Variants in PHF11 observed in about 807,000 individuals in gnomAD.
PHF11 encodes the protein BRCA1 C-terminus-associated protein.
A neutral mutation model predicts 40.5 loss-of-function variants in PHF11; 38 were observed. That is an observed-to-expected ratio of 0.94 (90% CI 0.72 to 1.23). The LOEUF (loss-of-function observed/expected upper bound fraction) is 1.23. Among genes scored for constraint, PHF11 ranks in the 50% most tolerant of loss-of-function variants. PHF11 has a pLI of 0.00. For synonymous variants in PHF11, 127 were observed against 138.2 expected (o/e 0.92, Z 0.57); for missense variants, 369 against 392.4 (o/e 0.94, Z 0.50).
At chr13:49,509,213 GA>G (rs1340562962) in intron 2 of PHF11, among the ~76,000 whole-genome samples, 3 of 143,214 alleles carry the variant, frequency 2.1e-5, no homozygotes, top group Admixed American at 7.1e-5. Context: ...ACTTTAGTAT[GA>G]TTTTTTTTTT....
intron 3 of PHF11, among the ~76,000 whole-genome samples, chr13:49,517,580 C>T (rs951533949): frequency 2.0e-5 from 3 of 151,822 alleles, no homozygotes; most frequent in African/African-American, 7.3e-5. Flanking sequence ...TCACCCACAG[C>T]AGGTTCTGAG....
rs2139072289 is a variant in PHF11 at position 49,522,110 on chromosome 13, A to AATT, written c.570+4_570+6dup. 1 of 1,491,694 alleles carries AATT rather than the reference A, an allele frequency of 6.7e-7. No homozygotes were observed. Among genetic ancestry groups the AATT allele is most frequent in the Non-Finnish European group, 9.3e-7 (1 of 1,072,578 alleles). The allele number at this position is 1,491,694 out of a possible 1,614,324, so 92.4% of individuals were successfully genotyped here. The stretch of plus-strand genomic sequence containing the variant: ...CCCTCTCAGGCAATCATGTACAGGT[A>AATT]ATTTGACTTAGTTTTTATAGCTTTG... On this transcript the variant is annotated splice_donor_region_variant and intron_variant, in intron 6 of 9. Coordinates refer to ENST00000378319, the MANE Select transcript of PHF11 (RefSeq NM_001040443.3).
chr13:49,516,809 T>C (rs1959161787), intron 3 of PHF11, among the ~76,000 whole-genome samples: 1 of 152,060 alleles, frequency 6.6e-6, no homozygotes, highest in South Asian at 2.1e-4. Context: ...GGTCTCGAAC[T>C]CCTGGGCTCA....
chr13:49,526,595 C>G (rs1959293009), intron 9 of PHF11, 137 bp downstream of exon 9: 1 of 650,296 alleles, frequency 1.5e-6, no homozygotes, highest in East Asian at 2.8e-5. Context: ...AAGCCAATTA[C>G]AAAAACAGTA....
At chr13:49,528,111 T>C (rs1471030681) in intron 9 of PHF11, among the ~76,000 whole-genome samples, 1 of 152,216 alleles carries the variant, frequency 6.6e-6, no homozygotes, top group African/African-American at 2.4e-5. Flanking sequence ...ATTGGACACA[T>C]TTTTAGGAAG....
intron 2 of PHF11, among the ~76,000 whole-genome samples, chr13:49,510,091 C>G (rs539140191): frequency 5.0e-4 from 76 of 152,228 alleles, no homozygotes; most frequent in African/African-American, 1.7e-3. Flanking sequence ...GTGGCACCAT[C>G]ATGCCTCACT....
intron 8 of PHF11, chr13:49,526,182 A>G (rs933523675): frequency 4.2e-6 from 2 of 480,018 alleles, no homozygotes; most frequent in African/African-American, 2.1e-5. Context: ...AAAAAAAAAA[A>G]AAAAAAAAGA....
chr13:49,509,863 A>G (rs766080828), intron 2 of PHF11, among the ~76,000 whole-genome samples: 18 of 152,310 alleles, frequency 1.2e-4, no homozygotes, highest in Admixed American at 3.3e-4. Context: ...AGTCTTGCGT[A>G]TGTCTTTATT....
chr13:49,518,948 G>T (rs536068660), intron 4 of PHF11: 1 of 149,664 alleles, frequency 6.7e-6, no homozygotes, highest in Non-Finnish European at 1.5e-5. Context: ...CCATTCTCCT[G>T]CCTCAGCCTC....
At chr13:49,527,081 CA>C (rs1427926410) in intron 9 of PHF11, 6 of 40,720 alleles carry the variant, frequency 1.5e-4, no homozygotes, top group Admixed American at 5.8e-4. Context: ...AACAAACAAA[CA>C]AAAAATGAGC....
chr13:49,511,282 T>C (rs1349376686), intron 2 of PHF11, among the ~76,000 whole-genome samples: 1 of 152,026 alleles, frequency 6.6e-6, no homozygotes, highest in Non-Finnish European at 1.5e-5. Flanking sequence ...TATGAGTCTT[T>C]GTGTCTTTAT....
At chr13:49,498,180 G>A (rs1357607932) in intron 1 of PHF11, among the ~76,000 whole-genome samples, 1 of 152,168 alleles carries the variant, frequency 6.6e-6, no homozygotes, top group Non-Finnish European at 1.5e-5. Flanking sequence ...GGACATAGTA[G>A]GTACTCATTA....
intron 4 of PHF11, among the ~76,000 whole-genome samples, chr13:49,519,168 C>A (rs1195488938): frequency 1.3e-5 from 2 of 152,086 alleles, no homozygotes; most frequent in Non-Finnish European, 2.9e-5. Flanking sequence ...GAGCAAGTTC[C>A]GTAAGTATTT....
At chr13:49,497,061 G>C (rs1169647080) in intron 1 of PHF11, 2 of 1,266,640 alleles carry the variant, frequency 1.6e-6, no homozygotes, top group Non-Finnish European at 2.1e-6. Context: ...TAAAGGGCAA[G>C]ACTCAGCCAA....
chr13:49,501,651 T>G (rs1594200035), intron 1 of PHF11, among the ~76,000 whole-genome samples: 1 of 152,172 alleles, frequency 6.6e-6, no homozygotes. Context: ...TACAAAACAA[T>G]TTATTCTATG....
At chr13:49,514,589 T>C (rs1247120712) in intron 3 of PHF11, among the ~76,000 whole-genome samples, 2 of 151,728 alleles carry the variant, frequency 1.3e-5, no homozygotes, top group Admixed American at 1.3e-4. Context: ...ACCCTGTCTT[T>C]ACCAAAAAAG....
chr13:49,499,597 TCCAAGGCCATTA>T (rs1465367533), intron 1 of PHF11, among the ~76,000 whole-genome samples: 2 of 152,246 alleles, frequency 1.3e-5, no homozygotes. Context: ...CCATTCATTC[TCCAAGGCCATTA>T]CCAAGTTCCT....
intron 3 of PHF11, among the ~76,000 whole-genome samples, chr13:49,517,023 G>C (rs1003219885): frequency 9.2e-5 from 14 of 151,832 alleles, no homozygotes; most frequent in African/African-American, 3.4e-4. Flanking sequence ...TATCTGGTTC[G>C]AGCTTTAATC....
chr13:49,502,413 T>C (rs1958921744), intron 1 of PHF11, among the ~76,000 whole-genome samples: 1 of 152,234 alleles, frequency 6.6e-6, no homozygotes, highest in Non-Finnish European at 1.5e-5. Context: ...TAAATGATTG[T>C]TGTAATTTCA....
Sources: allele counts gnomAD v4.1 joint callset (sites outside exome capture counted in the v4.1 genomes callset), GRCh38; gene constraint gnomAD v4.1.1; transcripts MANE v1.5; gene names NCBI Gene and HGNC (gene_info 2026-07-23, HGNC 2026-07-21).